Variants in ANKDD1B observed in about 807,000 individuals in gnomAD.
The protein encoded by ANKDD1B is ankyrin repeat and death domain containing 1B, also known as ankyrin repeat and death domain-containing protein 1B.
ANKDD1B carries 57 observed loss-of-function variants against 59.7 expected under a neutral mutation model. That is an observed-to-expected ratio of 0.95 (90% CI 0.77 to 1.19). ANKDD1B has a LOEUF of 1.19. Ranked by LOEUF, ANKDD1B falls within the 50% of genes most tolerant of loss-of-function variation. ANKDD1B has a pLI of 0.00. For missense variants in ANKDD1B, 602 were observed against 641.9 expected (o/e 0.94, Z 0.67); for synonymous variants, 216 against 239.5 (o/e 0.90, Z 0.91).
At chr5:75,623,368 T>C (rs550809662) in intron 3 of ANKDD1B, among the ~76,000 whole-genome samples, 152 of 152,288 alleles carry the variant, frequency 1.0e-3, no homozygotes, top group African/African-American at 3.4e-3. Context: ...CCTGGCCTTC[T>C]GGTCTCTATT....
At chr5:75,613,757 G>A (rs1773637032) in intron 1 of ANKDD1B, among the ~76,000 whole-genome samples, 1 of 152,190 alleles carries the variant, frequency 6.6e-6, no homozygotes, top group African/African-American at 2.4e-5. Context: ...CTGTTAGCAT[G>A]TGTATCAGTC....
chr5:75,624,960 C>T (rs186337067), intron 3 of ANKDD1B, among the ~76,000 whole-genome samples: 2 of 152,274 alleles, frequency 1.3e-5, no homozygotes, highest in Admixed American at 1.3e-4. Flanking sequence ...TTAATGCTTG[C>T]ATTATATAGT....
At chr5:75,670,362 T>C (rs2112043146) in intron 13 of ANKDD1B, among the ~76,000 whole-genome samples, 1 of 152,360 alleles carries the variant, frequency 6.6e-6, no homozygotes, top group East Asian at 1.9e-4. Flanking sequence ...TTCTTGATCA[T>C]TGAAAATGTC....
chr5:75,624,827 T>A (rs1480513629), intron 3 of ANKDD1B, among the ~76,000 whole-genome samples: 1 of 152,240 alleles, frequency 6.6e-6, no homozygotes, highest in East Asian at 1.9e-4. Context: ...TATGGGGTTT[T>A]GTTAATCACT....
intron 7 of ANKDD1B, among the ~76,000 whole-genome samples, chr5:75,640,785 C>G (rs73764949): frequency 0.012 from 1,761 of 152,294 alleles, 28 homozygotes; most frequent in African/African-American, 0.04. Flanking sequence ...CTACATTGAT[C>G]CACTCACTGG....
intron 3 of ANKDD1B, 125 bp from the exon 4 acceptor site, chr5:75,625,522 C>G (rs1456900659): frequency 7.1e-6 from 5 of 706,062 alleles, no homozygotes; most frequent in Non-Finnish European, 9.3e-6. Context: ...ACTTTTGCTG[C>G]ATATTAAATT....
chr5:75,670,659 T>C (rs1197421477), intron 13 of ANKDD1B, among the ~76,000 whole-genome samples: 2 of 152,176 alleles, frequency 1.3e-5, no homozygotes, highest in Non-Finnish European at 2.9e-5. Context: ...AAGGGTTAAA[T>C]GTATTCTTCC....
At chr5:75,637,626 ATTTAT>A (rs1774353145) in intron 7 of ANKDD1B, among the ~76,000 whole-genome samples, 1 of 152,164 alleles carries the variant, frequency 6.6e-6, no homozygotes, top group Non-Finnish European at 1.5e-5. Flanking sequence ...CACTTAAAAT[ATTTAT>A]TTTATGCTGC....
At chr5:75,623,776 C>T (rs1020051770) in intron 3 of ANKDD1B, among the ~76,000 whole-genome samples, 6 of 152,142 alleles carry the variant, frequency 3.9e-5, no homozygotes, top group Non-Finnish European at 8.8e-5. Context: ...CCCCCACCCA[C>T]GGCATGACAG....
intron 1 of ANKDD1B, among the ~76,000 whole-genome samples, chr5:75,616,485 C>T (rs1172591264): frequency 6.6e-6 from 1 of 152,082 alleles, no homozygotes; most frequent in Admixed American, 6.6e-5. Flanking sequence ...ACAAACAATG[C>T]CCCCTGGGAA....
At chr5:75,651,244 AG>A (rs1466448323) in intron 7 of ANKDD1B, among the ~76,000 whole-genome samples, 2 of 152,226 alleles carry the variant, frequency 1.3e-5, no homozygotes, top group African/African-American at 4.8e-5. Flanking sequence ...GTGGGACAGG[AG>A]ATACTGATGC....
rs1378747055 is a variant in ANKDD1B, at chr5:75,669,323, G to A, written c.1465G>A (p.Gly489Ser). 8.1e-7 allele frequency: 1 copy of A among 1,232,016 alleles called. No homozygotes were observed. Among genetic ancestry groups the A allele is most frequent in the Non-Finnish European group, 1.0e-6 (1 of 987,958 alleles). 76.3% of individuals were successfully genotyped at this position (1,232,016 alleles called of 1,614,324 possible). A position where few individuals can be genotyped will look rare whatever the true frequency, so the allele number is the denominator to read the frequency against. ...IWLHGTLMTQ[G>S]DPAKQLYEEL... Reference sequence around the variant, plus strand: ...GCTACACGGGACCCTGATGACTCAGGGTGACCCGGCCAAGCAACTGTATGA... The same window carrying A: ...GCTACACGGGACCCTGATGACTCAGAGTGACCCGGCCAAGCAACTGTATGA... The change falls in exon 13 of 14, where the codon GGT (glycine) becomes AGT (serine). Residue 489 changes from glycine (G) to serine (S), a missense_variant. Physicochemically the swap from Gly to Ser is moderately conservative, Grantham distance 56. Transcript: ENST00000601380.
chr5:75,614,544 T>G (rs1021242453), intron 1 of ANKDD1B, among the ~76,000 whole-genome samples: 19 of 152,208 alleles, frequency 1.2e-4, no homozygotes, highest in African/African-American at 3.9e-4. Context: ...CAATACCAAG[T>G]TGATGGAGGT....
chr5:75,641,265 C>CAAAG lies in ANKDD1B; in HGVS notation c.798+5385_798+5386insAGAA, dbSNP rs369046859. Reference sequence around the variant, plus strand: ...ATCATACAACTAGTCAATAGCAGTGCAAGGATTCAAACTAATGTCTGACAC... The same window carrying CAAAG: ...ATCATACAACTAGTCAATAGCAGTGCAAAGAAGGATTCAAACTAATGTCTGACAC... On this transcript the variant is annotated intron_variant, in intron 7 of 13. Transcript: ENST00000601380. Among the ~76,000 whole-genome samples, 1,210 of 152,254 alleles carry CAAAG rather than the reference C, an allele frequency of 7.9e-3. 17 individuals carry two copies. The highest frequency in any genetic ancestry group is 0.027 in the African/African-American group (1,136 of 41,536).
intron 3 of ANKDD1B, among the ~76,000 whole-genome samples, chr5:75,622,615 T>G (rs891843466): frequency 6.6e-6 from 1 of 152,212 alleles, no homozygotes; most frequent in Non-Finnish European, 1.5e-5. Context: ...TGACAAAGCT[T>G]CTTACCTCTG....
chr5:75,655,853 G>T (rs1774961287), intron 8 of ANKDD1B, among the ~76,000 whole-genome samples, 176 bp from the exon 9 acceptor site: 1 of 152,198 alleles, frequency 6.6e-6, no homozygotes, highest in African/African-American at 2.4e-5. Context: ...GAACGAGTTT[G>T]TTTCAAAGCC....
chr5:75,664,641 A>G (rs944901785), intron 11 of ANKDD1B, among the ~76,000 whole-genome samples: 2 of 152,200 alleles, frequency 1.3e-5, no homozygotes, highest in Non-Finnish European at 2.9e-5. Context: ...GGAAATAGAA[A>G]TATTCATTGG....
chr5:75,659,039 T>A (rs1281893460), intron 9 of ANKDD1B, among the ~76,000 whole-genome samples: 2 of 145,448 alleles, frequency 1.4e-5, no homozygotes, highest in Non-Finnish European at 1.5e-5. Context: ...TTTAAAAAAA[T>A]AATTTTTAAT....
chr5:75,669,728 G>A (rs1263026474), intron 13 of ANKDD1B, among the ~76,000 whole-genome samples: 2 of 152,238 alleles, frequency 1.3e-5, no homozygotes, highest in African/African-American at 4.8e-5. Flanking sequence ...TGTTCTCCAC[G>A]ACTAAGAGTT....
Sources: allele counts gnomAD v4.1 joint callset (sites outside exome capture counted in the v4.1 genomes callset), GRCh38; gene constraint gnomAD v4.1.1; transcripts MANE v1.5; gene names NCBI Gene and HGNC (gene_info 2026-07-23, HGNC 2026-07-21).